The following NFKB1 variants were observed in gnomAD, a reference collection of about 807,000 sequenced individuals.
NFKB1 encodes the protein nuclear factor kappa B subunit 1, also known as nuclear factor NF-kappa-B p105 subunit.
Under a neutral mutation model 105.1 loss-of-function variants are expected in NFKB1, and 9 were observed. That is an observed-to-expected ratio of 0.09 (90% confidence interval 0.05 to 0.15). The LOEUF (loss-of-function observed/expected upper bound fraction) is 0.15. NFKB1 is among the 10% of genes least tolerant of loss of function. NFKB1 has a pLI of 1.00. For missense variants in NFKB1, 830 were observed against 1,203.7 expected (o/e 0.69, Z 4.59); for synonymous variants, 440 against 442.2 (o/e 1.00, Z 0.06).
intron 2 of NFKB1, among the ~76,000 whole-genome samples, chr4:102,529,487 C>T (rs750320622): frequency 6.6e-6 from 1 of 152,272 alleles, no homozygotes; most frequent in Non-Finnish European, 1.5e-5. Context: ...ATCATTCATT[C>T]AACAACTATT....
chr4:102,534,522 C>T (rs927381835), intron 4 of NFKB1, among the ~76,000 whole-genome samples: 1 of 152,160 alleles, frequency 6.6e-6, no homozygotes, highest in African/African-American at 2.4e-5. Flanking sequence ...ATGGCCTCCT[C>T]ACTGTATCCA....
chr4:102,579,646 A>ATAT (rs1330931559), intron 8 of NFKB1, among the ~76,000 whole-genome samples: 79 of 124,144 alleles, frequency 6.4e-4, no homozygotes, highest in African/African-American at 2.2e-3. Flanking sequence ...CAAAAAAAAA[A>ATAT]ATATATATAT....
intron 2 of NFKB1, among the ~76,000 whole-genome samples, chr4:102,526,186 A>T (rs970016753): frequency 2.0e-5 from 3 of 152,152 alleles, no homozygotes; most frequent in Non-Finnish European, 1.5e-5. Flanking sequence ...CCTATTTCCA[A>T]ATAAAGTCAC....
rs571788063 is a variant in NFKB1, at chr4:102,584,286, A to ATC, written c.928-388_928-387dup. On this transcript the variant is annotated intron_variant, in intron 10 of 23. Coordinates refer to ENST00000226574, the MANE Select transcript of NFKB1 (RefSeq NM_003998.4). ...TTCTCTTCATCACTGGCCTGTAGCC[A>ATC]TCTCTCTCTTTCCATACCCAGTCTT... 3.9e-4 allele frequency among the ~76,000 whole-genome samples: 59 copies of ATC among 152,300 alleles called. No homozygotes were observed. In the East Asian group the frequency reaches 0.011, roughly 28 times the overall value.
intron 19 of NFKB1, among the ~76,000 whole-genome samples, chr4:102,609,166 A>AAAAAAAAAAATAAAAAAAT (rs1338929952): frequency 4.6e-5 from 7 of 151,096 alleles, no homozygotes; most frequent in African/African-American, 1.7e-4. Flanking sequence ...CTCAAAAAAA[A>AAAAAAAAAAATAAAAAAAT]AAAAGAAAAA....
intron 15 of NFKB1, among the ~76,000 whole-genome samples, chr4:102,598,071 GCAA>G (rs1389571330): frequency 3.3e-5 from 5 of 152,202 alleles, no homozygotes; most frequent in East Asian, 3.8e-4. Flanking sequence ...AATAAAGGCA[GCAA>G]CAACAACAGA....
At chr4:102,510,957 A>G in intron 1 of NFKB1, 7 of 1,283,330 alleles carry the variant, frequency 5.5e-6, no homozygotes, top group Non-Finnish European at 6.1e-6. Flanking sequence ...CAGGTAAACT[A>G]AAAAGAAAAA....
intron 1 of NFKB1, among the ~76,000 whole-genome samples, chr4:102,503,926 G>A (rs528651314): frequency 2.0e-5 from 3 of 152,142 alleles, no homozygotes; most frequent in Admixed American, 6.5e-5. Context: ...GACTTTCAGG[G>A]ATTGCTCATT....
Position 102,527,550 on chromosome 4 carries a change from A to G in NFKB1, c.39+1993A>G, listed in dbSNP as rs540404228. Among the ~76,000 whole-genome samples the G allele has an allele frequency of 8.1e-4, 124 of 152,306 alleles. 1 individual carries two copies. The highest frequency in any genetic ancestry group is 3.4e-3 in the Middle Eastern group (1 of 294). ...TTCTATAAATAAAATGGACATATAT[A>G]GCATTTATCACTTCGGGTGATATTC... On this transcript the variant is annotated intron_variant, in intron 2 of 23. Coordinates refer to ENST00000226574, the MANE Select transcript of NFKB1 (RefSeq NM_003998.4).
intron 12 of NFKB1, 115 bp downstream of exon 12, chr4:102,593,683 A>G: frequency 1.1e-6 from 1 of 924,200 alleles, no homozygotes; most frequent in Non-Finnish European, 1.5e-6. Context: ...TATTGAGTAT[A>G]TTAATTAAAA....
At chr4:102,572,375 T>TA (rs1001031581) in intron 6 of NFKB1, among the ~76,000 whole-genome samples, 3 of 151,690 alleles carry the variant, frequency 2.0e-5, no homozygotes, top group Admixed American at 6.6e-5. Flanking sequence ...ATACCTAATG[T>TA]AAATGCTGAG....
At chr4:102,545,427 T>A (rs1426692671) in intron 5 of NFKB1, among the ~76,000 whole-genome samples, 2 of 152,108 alleles carry the variant, frequency 1.3e-5, no homozygotes, top group African/African-American at 4.8e-5. Context: ...CATTTAATCA[T>A]CACAGTAATC....
rs982065273 is a variant in NFKB1, at chr4:102,516,132, C to G, written c.-7-9380C>G. 7.9e-5 allele frequency among the ~76,000 whole-genome samples: 12 copies of G among 151,794 alleles called. No homozygotes were observed. In the South Asian group the frequency reaches 8.3e-4, roughly 11 times the overall value. ...ATGCTTATCATGCTTATCAATTGTTCCCCCATATATAATATGTCCTTTCTT... is the reference window on the plus strand; with the variant it reads ...ATGCTTATCATGCTTATCAATTGTTGCCCCATATATAATATGTCCTTTCTT... On this transcript the variant is annotated intron_variant, in intron 1 of 23. Transcript: ENST00000226574.
At chr4:102,555,114 C>T (rs73834807) in intron 5 of NFKB1, among the ~76,000 whole-genome samples, 3,463 of 152,248 alleles carry the variant, frequency 0.023, 61 homozygotes, top group African/African-American at 0.058. Flanking sequence ...ATGTACTCAA[C>T]TTTTGCTAGG....
At chr4:102,595,819 T>C (rs1282696495) in intron 13 of NFKB1, among the ~76,000 whole-genome samples, 1 of 152,248 alleles carries the variant, frequency 6.6e-6, no homozygotes, top group Non-Finnish European at 1.5e-5. Context: ...AAAACTGCTC[T>C]GTTTTCAAGA....
At chr4:102,607,466 T>C in intron 18 of NFKB1, 147 bp downstream of exon 18, 1 of 1,117,218 alleles carries the variant, frequency 9.0e-7, no homozygotes, top group East Asian at 2.4e-5. Flanking sequence ...GAGTACCACC[T>C]TTAGACATTC....
intron 18 of NFKB1, 65 bp downstream of exon 18, chr4:102,607,384 A>G (rs1727869983): frequency 6.4e-7 from 1 of 1,552,696 alleles, no homozygotes; most frequent in African/African-American, 1.4e-5. Flanking sequence ...AATCTTTTCA[A>G]AGAAGGAAGT....
Position 102,597,654 on chromosome 4 carries a change from G to A in NFKB1, c.1630G>A (p.Gly544Arg), listed in dbSNP as rs1426432122. 6.2e-7 allele frequency: 1 copy of A among 1,611,706 alleles called. No individual in the cohort carries two copies. The highest frequency in any genetic ancestry group is 8.5e-7 in the Non-Finnish European group (1 of 1,178,736). ...RHLTAVQDENGDSVLHLAIIH... is the reference protein window; with the variant it reads ...RHLTAVQDENRDSVLHLAIIH... ...TCTCACTGCTGTGCAGGATGAGAAT[G>A]GGGACAGGTAAGTCAGAACTTTTGC... The change falls in exon 15 of 24, where the codon GGG becomes AGG. Residue 544 changes from glycine to arginine, a missense_variant. Gly to Arg is a moderately radical substitution (Grantham distance 125). Around this residue, in one of 8 missense-constraint regions of NFKB1, gnomAD observed 418 missense variants for 575.3 expected, o/e 0.73. Coordinates refer to ENST00000226574, the MANE Select transcript of NFKB1 (RefSeq NM_003998.4).
chr4:102,580,104 A>C (rs1725206862), intron 8 of NFKB1, among the ~76,000 whole-genome samples: 1 of 152,218 alleles, frequency 6.6e-6, no homozygotes, highest in Non-Finnish European at 1.5e-5. Context: ...AAAAGGTAGT[A>C]AGTAGTTTAA....
Sources: gnomAD v4.1 joint callset for allele counts (sites outside exome capture counted in the v4.1 genomes callset) on GRCh38, gnomAD v4.1.1 for gene constraint, gnomAD v4.1.1 regional missense constraint, MANE v1.5 for transcripts, NCBI Gene and HGNC (gene_info 2026-07-23, HGNC 2026-07-21) for gene names.